The following SYNPR variants were observed in gnomAD, a reference collection of about 807,000 sequenced individuals.
The protein encoded by SYNPR is synaptoporin.
SYNPR carries 23 observed loss-of-function variants against 32.9 expected under a neutral mutation model. The ratio of observed to expected loss-of-function variants is 0.70; its 90% CI spans 0.50 to 0.99. The LOEUF (loss-of-function observed/expected upper bound fraction) is 0.99, where lower values mean the gene tolerates loss of function less well. Among genes scored for constraint, SYNPR ranks in the 50% least tolerant of loss-of-function variants. The probability of loss-of-function intolerance (pLI) is 0.00; values close to 1 mark genes in which losing one functional copy is unlikely to be tolerated. For missense variants in SYNPR, 318 were observed against 349.3 expected, an observed-to-expected ratio of 0.91 and a Z score of 0.71; for synonymous variants, 146 against 135.9, an observed-to-expected ratio of 1.07 and a Z score of -0.52.
intron 2 of SYNPR, among the ~76,000 whole-genome samples, chr3:63,416,869 C>T (rs1453148237): frequency 6.6e-6 from 1 of 152,106 alleles, no homozygotes; most frequent in African/African-American, 2.4e-5. Flanking sequence ...AATTACCTCC[C>T]ACCAGGTGCC....
intron 4 of SYNPR, among the ~76,000 whole-genome samples, chr3:63,562,011 C>T (rs1009927471): frequency 6.6e-6 from 1 of 152,116 alleles, no homozygotes; most frequent in African/African-American, 2.4e-5. Context: ...AAGAAATCAG[C>T]CAGCTACTGT....
chr3:63,439,320 A>G (rs893137497), intron 2 of SYNPR, among the ~76,000 whole-genome samples: 1 of 152,254 alleles, frequency 6.6e-6, no homozygotes, highest in Non-Finnish European at 1.5e-5. Flanking sequence ...TATTTCTGAT[A>G]ATCTAATAAT....
Position 63,616,037 on chromosome 3 carries a change from AACATTT to A in SYNPR, c.*557_*562del, listed in dbSNP as rs1700274122. The A allele has an allele frequency of 6.6e-6, 1 of 152,282 alleles. No individual in the cohort carries two copies. Among genetic ancestry groups the A allele is most frequent in the South Asian group, 2.1e-4 (1 of 4,830 alleles). The allele number at this position is 152,282 out of a possible 1,614,324, so 9.4% of individuals were successfully genotyped here. On this transcript the variant is annotated 3_prime_UTR_variant, in exon 6 of 6. Coordinates refer to ENST00000478300, the MANE Select transcript of SYNPR (RefSeq NM_001130003.2). ...TGAATAAGCATTTTCCCACACAATG[AACATTT>A]GAACTGTGTTTATGAAAATTTTCTG...
At chr3:63,229,294 C>T (rs2086151144) in intron 1 of SYNPR, among the ~76,000 whole-genome samples, 1 of 151,954 alleles carries the variant, frequency 6.6e-6, no homozygotes, top group Non-Finnish European at 1.5e-5. Context: ...TAAATGAGAG[C>T]AATTCACATT....
At chr3:63,239,183 C>T (rs1374944758) in intron 1 of SYNPR, among the ~76,000 whole-genome samples, 1 of 152,010 alleles carries the variant, frequency 6.6e-6, no homozygotes. Context: ...CTGACATTTT[C>T]ATCTAACACT....
chr3:63,351,684 T>C (rs771062428), intron 2 of SYNPR: 7 of 152,170 alleles, frequency 4.6e-5, no homozygotes, highest in Non-Finnish European at 1.0e-4. Context: ...AGGATAACGT[T>C]CAAAGATTAT....
At chr3:63,258,805 T>A (rs1020516387) in intron 2 of SYNPR, among the ~76,000 whole-genome samples, 6 of 151,862 alleles carry the variant, frequency 4.0e-5, no homozygotes, top group Non-Finnish European at 7.4e-5. Context: ...GAAAAGATCA[T>A]CAAAATTGAT....
intron 2 of SYNPR, among the ~76,000 whole-genome samples, chr3:63,347,722 C>T (rs945175531): frequency 1.3e-5 from 2 of 152,042 alleles, no homozygotes; most frequent in East Asian, 1.9e-4. Context: ...CAAGTAAAAA[C>T]GTGGTATTTG....
intron 4 of SYNPR, among the ~76,000 whole-genome samples, chr3:63,596,820 A>G (rs1038533739): frequency 2.0e-5 from 3 of 152,208 alleles, no homozygotes; most frequent in African/African-American, 7.2e-5. Flanking sequence ...TCACTTGACC[A>G]TGGATATAAA....
At chr3:63,285,339 A>G (rs2086669951) in intron 2 of SYNPR, among the ~76,000 whole-genome samples, 1 of 150,694 alleles carries the variant, frequency 6.6e-6, no homozygotes, top group African/African-American at 2.5e-5. Flanking sequence ...TACAAAGGCA[A>G]TAATTTAATC....
At chr3:63,371,502 G>C (rs940172889) in intron 2 of SYNPR, among the ~76,000 whole-genome samples, 1 of 152,218 alleles carries the variant, frequency 6.6e-6, no homozygotes, top group African/African-American at 2.4e-5. Context: ...TACTGCCTGG[G>C]CTTTCAGACC....
intron 2 of SYNPR, among the ~76,000 whole-genome samples, chr3:63,474,012 G>A: frequency 6.6e-6 from 1 of 152,158 alleles, no homozygotes; most frequent in Admixed American, 6.5e-5. Context: ...GTTTATTTGG[G>A]GAGCAATGAT....
At chr3:63,304,045 A>G (rs1262833277) in intron 2 of SYNPR, among the ~76,000 whole-genome samples, 2 of 152,010 alleles carry the variant, frequency 1.3e-5, no homozygotes, top group Non-Finnish European at 2.9e-5. Context: ...TTCTCCTATG[A>G]GTGCTTTTGG....
At chr3:63,502,306 T>A in intron 3 of SYNPR, among the ~76,000 whole-genome samples, 1 of 151,840 alleles carries the variant, frequency 6.6e-6, no homozygotes, top group Non-Finnish European at 1.5e-5. Context: ...TAATCCCCCT[T>A]CCCCGCCACA....
At chr3:63,228,839 A>C (rs746656309) in intron 1 of SYNPR, among the ~76,000 whole-genome samples, 1 of 152,012 alleles carries the variant, frequency 6.6e-6, no homozygotes, top group Non-Finnish European at 1.5e-5. Context: ...TCAAACTTCT[A>C]GTTTTGCTTT....
chr3:63,311,671 T>C (rs1261621492), intron 2 of SYNPR, among the ~76,000 whole-genome samples: 1 of 152,020 alleles, frequency 6.6e-6, no homozygotes, highest in African/African-American at 2.4e-5. Flanking sequence ...CTGCAGAGAA[T>C]GCAATCTGGA....
At chr3:63,435,104 C>T (rs979031993) in intron 2 of SYNPR, among the ~76,000 whole-genome samples, 20 of 152,194 alleles carry the variant, frequency 1.3e-4, no homozygotes, top group African/African-American at 4.8e-4. Flanking sequence ...GCCCATCTCC[C>T]ACCTTGTATA....
intron 2 of SYNPR, among the ~76,000 whole-genome samples, chr3:63,265,252 T>C (rs1575580346): frequency 3.5e-5 from 1 of 28,258 alleles, no homozygotes. Flanking sequence ...TTTTTTTTTT[T>C]TTTTTTTTTT....
intron 3 of SYNPR, among the ~76,000 whole-genome samples, chr3:63,484,933 T>C (rs1701117449): frequency 6.6e-6 from 1 of 151,960 alleles, no homozygotes; most frequent in African/African-American, 2.4e-5. Flanking sequence ...TCCTTATAAG[T>C]TGAATAGGAA....
Sources: allele counts gnomAD v4.1 joint callset (sites outside exome capture counted in the v4.1 genomes callset), GRCh38; gene constraint gnomAD v4.1.1; transcripts MANE v1.5; gene names NCBI Gene and HGNC (gene_info 2026-07-23, HGNC 2026-07-21).